The following ADAMTSL5 variants were observed in gnomAD, a reference collection of about 807,000 sequenced individuals.
The protein encoded by ADAMTSL5 is ADAMTS like 5, also known as ADAMTS-like protein 5.
In ADAMTSL5, 53 loss-of-function variants were observed where a neutral mutation model predicts 51.7. The ratio of observed to expected loss-of-function variants is 1.03; its 90% CI spans 0.82 to 1.29. The LOEUF (loss-of-function observed/expected upper bound fraction) is 1.29. ADAMTSL5 is among the 50% of genes most tolerant of loss of function. The pLI, the probability that ADAMTSL5 is intolerant of heterozygous loss-of-function variation, is 0.00. For synonymous variants in ADAMTSL5, 285 were observed against 278.7 expected (o/e 1.02, Z -0.23); for missense variants, 770 against 676.2 (o/e 1.14, Z -1.54).
intron 1 of ADAMTSL5, chr19:1,511,740 C>T (rs916204615): frequency 4.6e-5 from 22 of 482,630 alleles, no homozygotes; most frequent in East Asian, 3.7e-4. Flanking sequence ...GCGGAAGGTG[C>T]GGCCGGCAGG....
chr19:1,507,200 C>T (rs1912982238), intron 9 of ADAMTSL5, 42 bp downstream of exon 9: 2 of 1,517,974 alleles, frequency 1.3e-6, no homozygotes, highest in Non-Finnish European at 1.8e-6. Flanking sequence ...CCCCTCTGTC[C>T]CCAGCCGACC....
At chr19:1,509,454 G>A (rs542066034) in intron 5 of ADAMTSL5, among the ~76,000 whole-genome samples, 3 of 152,090 alleles carry the variant, frequency 2.0e-5, no homozygotes, top group East Asian at 1.9e-4. Flanking sequence ...CACAAAGGCC[G>A]ACAGCCCTGA....
rs547332514 is a variant in ADAMTSL5 at position 1,506,403 on chromosome 19, G to A, written c.1115-87C>T. ...TCCCTTGCCAGAAGAGGGACTGAGGGTCAGGTGGGACCTCGGGATCTATAG... is the reference window on the plus strand; with the variant it reads ...TCCCTTGCCAGAAGAGGGACTGAGGATCAGGTGGGACCTCGGGATCTATAG... On this transcript the variant is annotated intron_variant, in intron 11 of 11. Coordinates refer to ENST00000330475, the MANE Select transcript of ADAMTSL5 (RefSeq NM_213604.3). The surrounding 1 kb of genome is among the most constrained non-coding windows in gnomAD (Gnocchi z 5.6). 1.3e-6 allele frequency: 2 copies of A among 1,492,842 alleles called. No individual in the cohort carries two copies. Among genetic ancestry groups the A allele is most frequent in the South Asian group, 1.3e-5 (1 of 75,960 alleles). 92.5% of individuals were successfully genotyped at this position (1,492,842 alleles called of 1,614,324 possible).
intron 6 of ADAMTSL5, 32 bp from the exon 7 acceptor site, chr19:1,508,141 G>T (rs553308819): frequency 6.3e-7 from 1 of 1,580,460 alleles, no homozygotes; most frequent in South Asian, 1.1e-5. Flanking sequence ...CGGCGTCACT[G>T]ACGCTGGGAG....
rs776983836 is a variant in ADAMTSL5 at position 1,510,201 on chromosome 19, G to T, written c.310C>A (p.Arg104Ser). 1 of 1,613,044 alleles carries T rather than the reference G, an allele frequency of 6.2e-7. No homozygotes were observed. Among genetic ancestry groups the T allele is most frequent in the Non-Finnish European group, 8.5e-7 (1 of 1,179,892 alleles). Residue 104 changes from arginine (R) to serine (S), a missense_variant, in exon 5 of 12, where the codon CGC becomes AGC. By Grantham distance (110) the Arg-to-Ser change is moderately radical (BLOSUM62 -1). Coordinates refer to ENST00000330475, the MANE Select transcript of ADAMTSL5 (RefSeq NM_213604.3). ...RDLQCALYNG[R>S]PVLGTQKTYQ... ...GTCTTCTGGGTGCCCAGGACAGGGC[G>T]GCCATTGTACAGGGCACACTGTAGG...
At position 1,505,193 on chromosome 19, in the gene ADAMTSL5, C is replaced by A. The variant is rs1490888488; in HGVS notation, c.*822G>T. 1.3e-5 allele frequency: 2 copies of A among 152,120 alleles called. No individual in the cohort carries two copies. Among genetic ancestry groups the A allele is most frequent in the East Asian group, 1.9e-4 (1 of 5,194 alleles). The allele number at this position is 152,120 out of a possible 1,614,324, so 9.4% of individuals were successfully genotyped here. ...GAGCAGTGTGGGCAACGTAGCAAGA[C>A]CCCATCTCTACAAAAAATTTAAAAG... On this transcript the variant is annotated 3_prime_UTR_variant, in exon 12 of 12. Transcript: ENST00000330475.
chr19:1,507,927 T>C (rs1913037549), intron 7 of ADAMTSL5, 71 bp downstream of exon 7: 2 of 1,485,364 alleles, frequency 1.3e-6, no homozygotes, highest in Non-Finnish European at 1.8e-6. Flanking sequence ...CACGGAAATT[T>C]GCTTCCGGGC....
intron 5 of ADAMTSL5, 148 bp downstream of exon 5, chr19:1,510,002 C>T (rs989834437): frequency 2.9e-5 from 19 of 653,558 alleles, no homozygotes; most frequent in Non-Finnish European, 4.1e-5. Flanking sequence ...CTAACATATG[C>T]TGTTTCTGTT....
intron 1 of ADAMTSL5, among the ~76,000 whole-genome samples, chr19:1,512,516 A>G (rs980873515): frequency 1.3e-5 from 2 of 152,316 alleles, no homozygotes; most frequent in Middle Eastern, 3.4e-3. Flanking sequence ...CCCCATCTGT[A>G]CTAAAACACA....
chr19:1,510,801 C>T (rs938885076), intron 2 of ADAMTSL5, 44 bp downstream of exon 2: 23 of 1,514,002 alleles, frequency 1.5e-5, no homozygotes, highest in Non-Finnish European at 1.9e-5. Context: ...CTGACTGGGT[C>T]CCCATTCCCA....
Position 1,506,706 on chromosome 19 carries a change from A to G in ADAMTSL5, c.1042+33T>C. ...GTGAGGGGCACAGGCCTCAGTCCCCACTCATCCCCCACCCTGGCTGTCCCC... is the reference window on the plus strand; with the variant it reads ...GTGAGGGGCACAGGCCTCAGTCCCCGCTCATCCCCCACCCTGGCTGTCCCC... On this transcript the variant is annotated intron_variant, in intron 10 of 11. Coordinates refer to ENST00000330475, the MANE Select transcript of ADAMTSL5 (RefSeq NM_213604.3). This position sits in a 1 kb window ranked among gnomAD's most constrained non-coding sequence, Gnocchi z 5.6. The G allele has an allele frequency of 6.5e-7, 1 of 1,549,660 alleles. No individual in the cohort carries two copies. The highest frequency in any genetic ancestry group is 8.7e-7 in the Non-Finnish European group (1 of 1,146,436).
chr19:1,507,499 A>T, intron 8 of ADAMTSL5, 58 bp downstream of exon 8: 1 of 1,612,138 alleles, frequency 6.2e-7, no homozygotes, highest in Non-Finnish European at 8.5e-7. Flanking sequence ...ATCTGTAAAC[A>T]GGGACAACCG....
At chr19:1,510,301 A>G (rs1314593698) in intron 4 of ADAMTSL5, 43 bp from the exon 5 acceptor site, 3 of 1,612,860 alleles carry the variant, frequency 1.9e-6, no homozygotes. Context: ...GACAACCCCA[A>G]GGGGCAGGTG....
chr19:1,507,853 C>A, intron 7 of ADAMTSL5, 145 bp downstream of exon 7: 1 of 1,028,520 alleles, frequency 9.7e-7, no homozygotes, highest in Non-Finnish European at 1.4e-6. Context: ...AAGGGCGGGA[C>A]AATCTGTCAG....
chr19:1,508,588 C>T lies in ADAMTSL5; in HGVS notation c.362-18G>A. ...GTTGGGCGCTGAGGGCAGGAGGAGT[C>T]GGTGGGCCGGGGACCCCTGTTCGAG... On this transcript the variant is annotated intron_variant, in intron 5 of 11. Coordinates refer to ENST00000330475, the MANE Select transcript of ADAMTSL5 (RefSeq NM_213604.3). 1 of 1,510,094 alleles carries T rather than the reference C, an allele frequency of 6.6e-7. No homozygotes were observed. The allele number at this position is 1,510,094 out of a possible 1,614,324, so 93.5% of individuals were successfully genotyped here. A position where few individuals can be genotyped will look rare whatever the true frequency, so the allele number is the denominator to read the frequency against.
chr19:1,512,276 A>G (rs371496160), intron 1 of ADAMTSL5, among the ~76,000 whole-genome samples: 2 of 152,190 alleles, frequency 1.3e-5, no homozygotes, highest in East Asian at 3.9e-4. Flanking sequence ...GGTCCTGGGT[A>G]TCTCTAGGTA....
intron 1 of ADAMTSL5, chr19:1,511,661 C>A: frequency 9.1e-7 from 1 of 1,103,130 alleles, no homozygotes; most frequent in Non-Finnish European, 1.2e-6. Flanking sequence ...CTCCACTCTC[C>A]CAGGCCTCAG....
At position 1,510,734 on chromosome 19, in the gene ADAMTSL5, C is replaced by A; in HGVS notation, c.100-4G>T. The A allele has an allele frequency of 6.5e-7, 1 of 1,531,300 alleles. No homozygotes were observed. Among genetic ancestry groups the A allele is most frequent in the Non-Finnish European group, 8.8e-7 (1 of 1,136,032 alleles). 94.9% of individuals were successfully genotyped at this position (1,531,300 alleles called of 1,614,324 possible). On this transcript the variant is annotated splice_polypyrimidine_tract_variant and splice_region_variant and intron_variant, in intron 2 of 11. Transcript: ENST00000330475. ...ACGGGGTCCACTCGCCCGGACCCTA[C>A]TTGGGGAGACAGAGGCACGGTCAGC...
rs570891752 is a variant in ADAMTSL5, at chr19:1,505,826, G to A, written c.*189C>T. ...TAGTGCCTCCTCACCAGTGCCTGCC[G>A]GCTTGTGACAGTGGCTTTGACTGCA... On this transcript the variant is annotated 3_prime_UTR_variant, in exon 12 of 12. Transcript: ENST00000330475. 3.8e-5 allele frequency: 26 copies of A among 677,604 alleles called. No individual in the cohort carries two copies. The highest frequency in any genetic ancestry group is 9.4e-5 in the African/African-American group (5 of 52,986). The allele number at this position is 677,604 out of a possible 1,614,324, so 42.0% of individuals were successfully genotyped here.
Sources: allele counts gnomAD v4.1 joint callset (sites outside exome capture counted in the v4.1 genomes callset), GRCh38; gene constraint gnomAD v4.1.1; non-coding constraint Gnocchi (gnomAD v3.1); transcripts MANE v1.5; gene names NCBI Gene and HGNC (gene_info 2026-07-23, HGNC 2026-07-21).